Variants in ABLIM1 observed in about 807,000 individuals in gnomAD.
The protein encoded by ABLIM1 is actin-binding LIM protein 1.
In ABLIM1, 40 loss-of-function variants were observed where a neutral mutation model predicts 107.0. The ratio of observed to expected loss-of-function variants is 0.37; its 90% CI spans 0.29 to 0.49. The LOEUF is 0.49. ABLIM1 is among the 20% of genes least tolerant of loss of function. The pLI is 0.97. For synonymous variants in ABLIM1, 357 were observed against 357.3 expected (o/e 1.00, Z 0.01); for missense variants, 857 against 1,008.5 (o/e 0.85, Z 2.04).
intron 15 of ABLIM1, among the ~76,000 whole-genome samples, chr10:114,446,453 T>C (rs1199259277): frequency 1.3e-5 from 2 of 152,230 alleles, no homozygotes; most frequent in African/African-American, 4.8e-5. Context: ...GGAATCTGTC[T>C]GAATGGTTGA....
chr10:114,547,792 C>T lies in ABLIM1; in HGVS notation c.674-16G>A. The T allele has an allele frequency of 1.2e-6, 2 of 1,604,964 alleles. No homozygotes were observed. The highest frequency in any genetic ancestry group is 8.5e-7 in the Non-Finnish European group (1 of 1,179,808). ...CCGGCACAATCTGAAAAAGAGCAGC[C>T]GCCAGTGGTTACTACACATTTCCTT... On this transcript the variant is annotated splice_polypyrimidine_tract_variant and intron_variant, in intron 4 of 22. Coordinates refer to ENST00000533213, the MANE Select transcript of ABLIM1 (RefSeq NM_002313.7).
chr10:114,648,212 A>T (rs2141037481), intron 1 of ABLIM1, among the ~76,000 whole-genome samples: 1 of 152,348 alleles, frequency 6.6e-6, no homozygotes, highest in South Asian at 2.1e-4. Context: ...ACACGTTCAC[A>T]CAAAAACATG....
intron 1 of ABLIM1, among the ~76,000 whole-genome samples, chr10:114,702,271 A>G (rs1438489330): frequency 6.6e-6 from 1 of 152,252 alleles, no homozygotes; most frequent in African/African-American, 2.4e-5. Flanking sequence ...AAAGACAATC[A>G]TTAATACATG....
intron 2 of ABLIM1, among the ~76,000 whole-genome samples, chr10:114,594,837 G>A (rs979896096): frequency 6.6e-6 from 1 of 152,160 alleles, no homozygotes; most frequent in Non-Finnish European, 1.5e-5. Context: ...CACCTTATGA[G>A]TACCTGCCAT....
At chr10:114,440,964 C>T in intron 19 of ABLIM1, 53 bp downstream of exon 19, 1 of 1,529,722 alleles carries the variant, frequency 6.5e-7, no homozygotes, top group South Asian at 1.2e-5. Flanking sequence ...TCTCATGAAC[C>T]TCAGCCTCGA....
intron 1 of ABLIM1, among the ~76,000 whole-genome samples, chr10:114,756,045 T>TAGG (rs1157521543): frequency 1.3e-5 from 2 of 151,360 alleles, no homozygotes; most frequent in Non-Finnish European, 2.9e-5. Flanking sequence ...ATTAAATACT[T>TAGG]AATTATTTAA....
intron 1 of ABLIM1, chr10:114,632,429 C>A: frequency 1.0e-6 from 1 of 985,360 alleles, no homozygotes; most frequent in Non-Finnish European, 1.2e-6. Context: ...CTGTTACAGT[C>A]GCTTTCAATT....
chr10:114,790,401 A>C, the ABLIM1 span, among the ~76,000 whole-genome samples: 1 of 151,972 alleles, frequency 6.6e-6, no homozygotes, highest in Non-Finnish European at 1.5e-5. Context: ...GACATTGGAA[A>C]TTGTATTTCC....
intron 4 of ABLIM1, among the ~76,000 whole-genome samples, chr10:114,554,222 C>T (rs1324477556): frequency 4.6e-5 from 7 of 152,148 alleles, no homozygotes; most frequent in East Asian, 1.9e-4. Context: ...CTGTCCAAAA[C>T]CCCAAAGGAA....
At chr10:114,769,703 C>A (rs34202625), upstream of ABLIM1, among the ~76,000 whole-genome samples, 1 of 151,634 alleles carries the variant, frequency 6.6e-6, no homozygotes, top group Admixed American at 6.6e-5. Context: ...AATAGGTGAA[C>A]GTAATTCTTT....
chr10:114,769,291 C>T (rs531886714), upstream of ABLIM1, among the ~76,000 whole-genome samples: 54 of 147,786 alleles, frequency 3.7e-4, no homozygotes, highest in Non-Finnish European at 7.7e-4. Context: ...TGCAGTGAGC[C>T]GAGATCACGG....
chr10:114,551,184 T>C (rs1395835131), intron 4 of ABLIM1, among the ~76,000 whole-genome samples: 2 of 152,248 alleles, frequency 1.3e-5, no homozygotes, highest in Non-Finnish European at 2.9e-5. Flanking sequence ...TCATGCACTG[T>C]AAAGTGTTTT....
chr10:114,641,247 T>TAAAAAA (rs35168530), intron 1 of ABLIM1, among the ~76,000 whole-genome samples: 3 of 37,078 alleles, frequency 8.1e-5, no homozygotes, highest in Non-Finnish European at 1.7e-4. Context: ...AAGCCAATCA[T>TAAAAAA]AAAAAAAAAA....
At position 114,547,773 on chromosome 10, in the gene ABLIM1, C is replaced by A; in HGVS notation, c.677G>T (p.Cys226Phe). Residue 226 changes from cysteine (C) to phenylalanine (F), a missense_variant, in exon 5 of 23, where the codon TGT becomes TTT. By Grantham distance (205) the Cys-to-Phe change is radical. Transcript: ENST00000533213. ...SPKETTFSSNCAGCGRDIKNG... is the reference protein window; with the variant it reads ...SPKETTFSSNFAGCGRDIKNG... The stretch of plus-strand genomic sequence containing the variant: ...CTTGATATCTCTTCCGCAGCCGGCA[C>A]AATCTGAAAAAGAGCAGCCGCCAGT... 1 of 1,608,354 alleles carries A rather than the reference C, an allele frequency of 6.2e-7. No individual in the cohort carries two copies. The highest frequency in any genetic ancestry group is 8.5e-7 in the Non-Finnish European group (1 of 1,179,912).
At chr10:114,632,773 G>A in intron 1 of ABLIM1, 1 of 985,342 alleles carries the variant, frequency 1.0e-6, no homozygotes, top group Non-Finnish European at 1.2e-6. Context: ...TTTTAGACAA[G>A]CCCCTTGGAT....
At chr10:114,750,261 G>C (rs1460031577) in intron 1 of ABLIM1, among the ~76,000 whole-genome samples, 1 of 152,180 alleles carries the variant, frequency 6.6e-6, no homozygotes, top group Non-Finnish European at 1.5e-5. Context: ...AATCAAGCCT[G>C]TCAAATTATC....
intron 2 of ABLIM1, among the ~76,000 whole-genome samples, chr10:114,597,987 C>T (rs2139833665): frequency 6.6e-6 from 1 of 152,206 alleles, no homozygotes; most frequent in Non-Finnish European, 1.5e-5. Flanking sequence ...TGTGTCTAGT[C>T]CAGGCCAGGC....
intron 6 of ABLIM1, among the ~76,000 whole-genome samples, chr10:114,531,896 C>T (rs1183271453): frequency 6.6e-6 from 1 of 152,184 alleles, no homozygotes; most frequent in Non-Finnish European, 1.5e-5. Context: ...CTCACTGCAA[C>T]CTCCACCTCC....
intron 1 of ABLIM1, among the ~76,000 whole-genome samples, chr10:114,755,116 G>A (rs555089141): frequency 2.0e-5 from 3 of 152,302 alleles, no homozygotes; most frequent in East Asian, 1.9e-4. Flanking sequence ...ACAGCAGGAC[G>A]TGAGCAGCAG....
Sources: gnomAD v4.1 joint callset for allele counts (sites outside exome capture counted in the v4.1 genomes callset) on GRCh38, gnomAD v4.1.1 for gene constraint, MANE v1.5 for transcripts, NCBI Gene and HGNC (gene_info 2026-07-23, HGNC 2026-07-21) for gene names.